RHD: variants seen among roughly 807,000 people sequenced by gnomAD.
RHD encodes Rh blood group D antigen.
In RHD, 16 loss-of-function variants were observed where a neutral mutation model predicts 45.5. The ratio of observed to expected loss-of-function variants is 0.35; its 90% CI spans 0.24 to 0.53. RHD has a LOEUF of 0.53. Ranked by LOEUF, RHD falls within the 20% of genes least tolerant of loss-of-function variation. The pLI is 0.92. For missense variants in RHD, 306 were observed against 532.0 expected, an observed-to-expected ratio of 0.58 and a Z score of 4.18; for synonymous variants, 131 against 217.5, an observed-to-expected ratio of 0.60 and a Z score of 3.50.
At chr1:25,318,822 G>A (rs1373738360) in intron 8 of RHD, among the ~76,000 whole-genome samples, 1 of 132,252 alleles carries the variant, frequency 7.6e-6, no homozygotes, top group Non-Finnish European at 1.8e-5. Context: ...TAACTAAGCT[G>A]GCTTCCTTCC....
Position 25,272,800 on chromosome 1 carries a change from C to G in RHD, c.148+105C>G, listed in dbSNP as rs191342237. 171 of 1,279,584 alleles carry G rather than the reference C, an allele frequency of 1.3e-4. 18 individuals are homozygous for G. In the African/African-American group the frequency reaches 2.3e-3, roughly 17 times the overall value. 79.3% of individuals were successfully genotyped at this position (1,279,584 alleles called of 1,614,324 possible). A position where few individuals can be genotyped will look rare whatever the true frequency, so the allele number is the denominator to read the frequency against. Reference sequence around the variant, plus strand: ...ACAGATGTTCCTTTCTACAAAATCCCAAGGAAAAAGATTCCCCCATCTTCT... The same window carrying G: ...ACAGATGTTCCTTTCTACAAAATCCGAAGGAAAAAGATTCCCCCATCTTCT... On this transcript the variant is annotated intron_variant, in intron 1 of 9. Coordinates refer to ENST00000328664, the MANE Select transcript of RHD (RefSeq NM_016124.6).
rs1253781425 is a variant in RHD at position 25,297,077 on chromosome 1, T to C, written c.487-3869T>C. Among the ~76,000 whole-genome samples, 30 of 128,140 alleles carry C rather than the reference T, an allele frequency of 2.3e-4. 6 individuals carry two copies. Among genetic ancestry groups the C allele is most frequent in the Non-Finnish European group, 4.2e-4 (23 of 54,806 alleles). 84.1% of individuals were successfully genotyped at this position (128,140 alleles called of 152,430 possible). ...TTTTCTAGAAAAAAATATATATTTT[T>C]TGTGGTCGAGGATTACATCTTGCAT... On this transcript the variant is annotated intron_variant, in intron 3 of 9. Transcript: ENST00000328664.
intron 5 of RHD, among the ~76,000 whole-genome samples, chr1:25,301,905 T>G (rs28510210): frequency 0.68 from 87,144 of 128,748 alleles, 35,781 homozygotes; most frequent in South Asian, 0.86. Context: ...TTTCTGGGGG[T>G]AGTGATTAAA....
At chr1:25,307,780 A>C (rs1179372138) in intron 7 of RHD, 4 of 1,301,064 alleles carry the variant, frequency 3.1e-6, no homozygotes, top group Non-Finnish European at 4.2e-6. Context: ...TACAGAGACA[A>C]CCATAGCCCC....
At position 25,301,534 on chromosome 1, in the gene RHD, T is replaced by C. The variant is rs1470439072; in HGVS notation, c.649T>C (p.Trp217Arg). Residue 217 changes from tryptophan (W) to arginine (R), a missense_variant, in exon 5 of 10, where the codon TGG becomes CGG. Transcript: ENST00000328664. ...CTGGCCCCCAGGCGCCCTCTTCTTG[T>C]GGATGTTCTGGCCAAGTTTCAACTC... Reference protein sequence around the residue: ...LSAMLGALFLWMFWPSFNSAL... With the variant: ...LSAMLGALFLRMFWPSFNSAL... The C allele has an allele frequency of 7.3e-7, 1 of 1,378,496 alleles. No individual in the cohort carries two copies. The highest frequency in any genetic ancestry group is 1.2e-5 in the South Asian group (1 of 84,894). The allele number at this position is 1,378,496 out of a possible 1,614,324, so 85.4% of individuals were successfully genotyped here.
chr1:25,293,662 A>G lies in RHD; in HGVS notation c.486+2871A>G, dbSNP rs1285927003. Among the ~76,000 whole-genome samples the G allele has an allele frequency of 5.3e-5, 7 of 131,690 alleles. 1 individual carries two copies. Among genetic ancestry groups the G allele is most frequent in the Middle Eastern group, 4.1e-3 (1 of 246 alleles). The allele number at this position is 131,690 out of a possible 152,430, so 86.4% of individuals were successfully genotyped here. The stretch of plus-strand genomic sequence containing the variant: ...GATAGCAGCATTTCCTAATTTTAAA[A>G]TTTCCCTAGTATATGTAACCATCAG... On this transcript the variant is annotated intron_variant, in intron 3 of 9. Coordinates refer to ENST00000328664, the MANE Select transcript of RHD (RefSeq NM_016124.6).
intron 1 of RHD, among the ~76,000 whole-genome samples, chr1:25,274,251 G>C: frequency 7.6e-6 from 1 of 131,800 alleles, no homozygotes; most frequent in Non-Finnish European, 1.8e-5. Flanking sequence ...TGAGTAATTT[G>C]CCCACGGTCG....
At position 25,323,465 on chromosome 1, in the gene RHD, A is replaced by AT. The variant is rs112639646; in HGVS notation, c.1227+1510dup. ...GTCACTAAGGTTTGCATTTTCTGTA[A>AT]TTTTTTTGTTTGAGACAGGGTCTCA... On this transcript the variant is annotated intron_variant, in intron 9 of 9. Transcript: ENST00000328664. Among the ~76,000 whole-genome samples the AT allele has an allele frequency of 6.2e-3, 732 of 118,750 alleles. 60 individuals are homozygous for AT. The highest frequency in any genetic ancestry group is 0.02 in the African/African-American group (689 of 34,444). 77.9% of individuals were successfully genotyped at this position (118,750 alleles called of 152,430 possible).
At position 25,306,366 on chromosome 1, in the gene RHD, T is replaced by C. The variant is rs1313441563; in HGVS notation, c.940-230T>C. Among the ~76,000 whole-genome samples the C allele has an allele frequency of 3.8e-5, 5 of 131,754 alleles. 1 individual carries two copies. The highest frequency in any genetic ancestry group is 7.2e-5 in the Non-Finnish European group (4 of 55,750). 86.4% of individuals were successfully genotyped at this position (131,754 alleles called of 152,430 possible). On this transcript the variant is annotated intron_variant, in intron 6 of 9. Transcript: ENST00000328664. ...AGCAGCATTGGCATCACCTGGGACC[T>C]TGTTAGAAATGCTGTTAGACCCCAC...
Position 25,300,979 on chromosome 1 carries a change from G to A in RHD, c.520G>A (p.Val174Met), listed in dbSNP as rs147421281. 7,001 of 1,378,790 alleles carry A rather than the reference G, an allele frequency of 5.1e-3. 1,993 individuals are homozygous for A. The highest frequency in any genetic ancestry group is 6.7e-3 in the Non-Finnish European group (6,560 of 978,772). 85.4% of individuals were successfully genotyped at this position (1,378,790 alleles called of 1,614,324 possible). A position where few individuals can be genotyped will look rare whatever the true frequency, so the allele number is the denominator to read the frequency against. ...DYHMNMMHIY[V>M]FAAYFGLSVA... ...CCACATGAACATGATGCACATCTAC[G>A]TGTTCGCAGCCTATTTTGGGCTGTC... The change falls in exon 4 of 10, where the codon GTG becomes ATG. Residue 174 changes from valine to methionine, a missense_variant. Transcript: ENST00000328664.
At position 25,283,351 on chromosome 1, in the gene RHD, C is replaced by T. The variant is rs1327903012; in HGVS notation, c.149-1222C>T. ...TTCGAGACCAGCTTGGCCAACATAG[C>T]GAAACCCCTTCTCTATTAAAAATAC... is the stretch of plus-strand genomic sequence containing the variant. On this transcript the variant is annotated intron_variant, in intron 1 of 9. Coordinates refer to ENST00000328664, the MANE Select transcript of RHD (RefSeq NM_016124.6). Among the ~76,000 whole-genome samples the T allele has an allele frequency of 1.7e-4, 22 of 129,280 alleles. 2 individuals are homozygous for T. The highest frequency in any genetic ancestry group is 1.4e-3 in the East Asian group (7 of 5,010). The allele number at this position is 129,280 out of a possible 152,430, so 84.8% of individuals were successfully genotyped here.
intron 7 of RHD, among the ~76,000 whole-genome samples, chr1:25,316,527 G>T (rs1322948533): frequency 9.2e-6 from 1 of 108,706 alleles, no homozygotes; most frequent in Non-Finnish European, 2.2e-5. Context: ...CACAAGAATC[G>T]CTTGAACCTG....
chr1:25,275,619 TATTTTGTATGTTACAATAAATAC>T lies in RHD; in HGVS notation c.148+2927_148+2949del, dbSNP rs1410286633. Among the ~76,000 whole-genome samples, 6 of 133,096 alleles carry T rather than the reference TATTTTGTATGTTACAATAAATAC, an allele frequency of 4.5e-5. 1 individual carries two copies. The highest frequency in any genetic ancestry group is 1.5e-4 in the African/African-American group (6 of 39,000). The allele number at this position is 133,096 out of a possible 152,430, so 87.3% of individuals were successfully genotyped here. A position where few individuals can be genotyped will look rare whatever the true frequency, so the allele number is the denominator to read the frequency against. ...TACTTTAAGTATTACTACATTAATATATTTTGTATGTTACAATAAATACATACAAATTAGGAAAATTGAAAGAG... is the reference window on the plus strand; with the variant it reads ...TACTTTAAGTATTACTACATTAATATATACAAATTAGGAAAATTGAAAGAG... On this transcript the variant is annotated intron_variant, in intron 1 of 9. Coordinates refer to ENST00000328664, the MANE Select transcript of RHD (RefSeq NM_016124.6).
chr1:25,275,870 CGAG>C (rs916826353), intron 1 of RHD, among the ~76,000 whole-genome samples: 1 of 131,650 alleles, frequency 7.6e-6, no homozygotes, highest in Non-Finnish European at 1.8e-5. Context: ...ACAGCTTGTA[CGAG>C]GAGAAGTTTC....
In RHD at chr1:25,312,482, T is replaced by C. The variant is rs1354783184; in HGVS notation, c.1074-4518T>C. Among the ~76,000 whole-genome samples, 4 of 128,862 alleles carry C rather than the reference T, an allele frequency of 3.1e-5. 1 individual carries two copies. Among genetic ancestry groups the C allele is most frequent in the Admixed American group, 3.0e-4 (4 of 13,180 alleles). 84.5% of individuals were successfully genotyped at this position (128,862 alleles called of 152,430 possible). On this transcript the variant is annotated intron_variant, in intron 7 of 9. Transcript: ENST00000328664. ...GGGGTTGTCTAAGTGTGGTGTTTCA[T>C]GCCTGTAATCCCAGTGATTTGGGAG...
intron 1 of RHD, among the ~76,000 whole-genome samples, chr1:25,276,417 A>C (rs755082772): frequency 1.1e-5 from 1 of 91,756 alleles, no homozygotes; most frequent in South Asian, 2.8e-4. Context: ...ATAGTTAATT[A>C]AAAAAAAAAA....
rs989016438 is a variant in RHD at position 25,287,695 on chromosome 1, C to T, written c.335+2936C>T. Among the ~76,000 whole-genome samples the T allele has an allele frequency of 4.7e-4, 63 of 135,288 alleles. 10 individuals carry two copies. The highest frequency in any genetic ancestry group is 1.5e-3 in the African/African-American group (59 of 39,272). 88.8% of individuals were successfully genotyped at this position (135,288 alleles called of 152,430 possible). On this transcript the variant is annotated intron_variant, in intron 2 of 9. Coordinates refer to ENST00000328664, the MANE Select transcript of RHD (RefSeq NM_016124.6). ...CTATTGGAGCAAAAATGAAAATAAA[C>T]GGAACTCTGAAGTGGGATGTTTTAA...
chr1:25,330,421 T>C lies in RHD; in HGVS notation c.*1497T>C, dbSNP rs1226287383. On this transcript the variant is annotated 3_prime_UTR_variant, in exon 10 of 10. Transcript: ENST00000328664. ...TTTTGTTTACATAATACTTGAAAAA[T>C]AAAAATGAACAAGCTAACAAACTAC... is the stretch of plus-strand genomic sequence containing the variant. 7.5e-6 allele frequency: 1 copy of C among 133,018 alleles called. No individual in the cohort carries two copies. Among genetic ancestry groups the C allele is most frequent in the Non-Finnish European group, 1.8e-5 (1 of 56,144 alleles). 8.2% of individuals were successfully genotyped at this position (133,018 alleles called of 1,614,324 possible).
At chr1:25,304,878 T>A (rs1643675504) in intron 6 of RHD, 1 of 131,966 alleles carries the variant, frequency 7.6e-6, no homozygotes, top group Non-Finnish European at 1.8e-5. Context: ...ATCATCAGTC[T>A]CAGCGCCCAT....
Sources: gnomAD v4.1 joint callset for allele counts (sites outside exome capture counted in the v4.1 genomes callset) on GRCh38, gnomAD v4.1.1 for gene constraint, MANE v1.5 for transcripts, NCBI Gene and HGNC (gene_info 2026-07-23, HGNC 2026-07-21) for gene names.